Variants in CABIN1 observed in about 807,000 individuals in gnomAD.
CABIN1 encodes calcineurin binding protein 1.
In CABIN1, 133 loss-of-function variants were observed where a neutral mutation model predicts 227.7. The observed-to-expected ratio is 0.58, with a 90% CI of 0.51 to 0.67. CABIN1 has a LOEUF of 0.67. CABIN1 is among the 30% of genes least tolerant of loss of function. The pLI, the probability that CABIN1 is intolerant of heterozygous loss-of-function variation, is 0.00. For missense variants in CABIN1, 2,408 were observed against 2,852.5 expected, an observed-to-expected ratio of 0.84 and a Z score of 3.55; for synonymous variants, 1,086 against 1,155.1, an observed-to-expected ratio of 0.94 and a Z score of 1.21.
chr22:24,122,042 G>C (rs1029169094), intron 28 of CABIN1, among the ~76,000 whole-genome samples: 1 of 152,024 alleles, frequency 6.6e-6, no homozygotes, highest in Non-Finnish European at 1.5e-5. Flanking sequence ...GTTGAGTAGC[G>C]ATACGGGCCC....
intron 29 of CABIN1, among the ~76,000 whole-genome samples, chr22:24,136,831 T>A (rs2044455340): frequency 6.6e-6 from 1 of 152,140 alleles, no homozygotes; most frequent in South Asian, 2.1e-4. Context: ...AATTTTAACT[T>A]CTATGCAAAT....
intron 29 of CABIN1, among the ~76,000 whole-genome samples, chr22:24,157,642 G>A (rs188699648): frequency 6.6e-6 from 1 of 152,268 alleles, no homozygotes; most frequent in Non-Finnish European, 1.5e-5. Flanking sequence ...CACGCCCCAC[G>A]CCATCCCCTC....
chr22:24,059,337 T>C lies in CABIN1; in HGVS notation c.1373T>C (p.Phe458Ser). ...FPSIGPQRLS[F>S]DSATFMESEK... ...AGCATTGGGCCTCAAAGGCTGTCATTTGACTCAGCCACATTCATGGAATCT... is the reference window on the plus strand; with the variant it reads ...AGCATTGGGCCTCAAAGGCTGTCATCTGACTCAGCCACATTCATGGAATCT... Residue 458 changes from phenylalanine to serine, a missense_variant, in exon 11 of 37, where the codon TTT becomes TCT. Phe to Ser is a radical substitution (Grantham distance 155, BLOSUM62 -2). Around this residue, in one of 3 missense-constraint regions of CABIN1, gnomAD observed 1,045 missense variants for 1,168.4 expected, o/e 0.89. Coordinates refer to ENST00000263119, the MANE Select transcript of CABIN1 (RefSeq NM_012295.4). 6.2e-7 allele frequency: 1 copy of C among 1,614,202 alleles called. No homozygotes were observed. The highest frequency in any genetic ancestry group is 8.5e-7 in the Non-Finnish European group (1 of 1,180,028).
intron 24 of CABIN1, among the ~76,000 whole-genome samples, chr22:24,095,717 C>T (rs1456343041): frequency 6.6e-6 from 1 of 152,180 alleles, no homozygotes; most frequent in Non-Finnish European, 1.5e-5. Flanking sequence ...ACTGCGTGAA[C>T]GTTTAAGCTG....
At chr22:24,135,779 A>G (rs2044359109) in intron 29 of CABIN1, among the ~76,000 whole-genome samples, 1 of 152,142 alleles carries the variant, frequency 6.6e-6, no homozygotes, top group Non-Finnish European at 1.5e-5. Flanking sequence ...CCTGAACAGG[A>G]GCTGAGGAGA....
In CABIN1 at chr22:24,061,958, G is replaced by T. The variant is rs2039225130; in HGVS notation, c.1629G>T (p.Leu543=). The change falls in exon 13 of 37, where the codon CTG becomes CTT. Residue 543 remains leucine, a synonymous_variant. Transcript: ENST00000263119. ...TGTCTGTCCTGCAGGACATGATGCT[G>T]ATGTCTCTCTCCTGCATGGAACTCC... is the stretch of plus-strand genomic sequence containing the variant. ...CSNKHIKDMM[L]MSLSCMELQL... 6.2e-7 allele frequency: 1 copy of T among 1,613,616 alleles called. No homozygotes were observed. The highest frequency in any genetic ancestry group is 1.3e-5 in the African/African-American group (1 of 74,928).
chr22:24,158,562 G>A (rs899714631), intron 29 of CABIN1, among the ~76,000 whole-genome samples: 4 of 152,146 alleles, frequency 2.6e-5, no homozygotes, highest in Non-Finnish European at 4.4e-5. Context: ...CCCACTTTCC[G>A]CTCAGGACGC....
chr22:24,147,331 T>TCCTCCCTCCCTCCCTG (rs2045202300), intron 29 of CABIN1, among the ~76,000 whole-genome samples: 1 of 58,590 alleles, frequency 1.7e-5, no homozygotes, highest in African/African-American at 6.6e-5. Context: ...CTCCCTCCTC[T>TCCTCCCTCCCTCCCTG]CCTCCCTCCC....
At chr22:24,158,093 C>T (rs550348467) in intron 29 of CABIN1, among the ~76,000 whole-genome samples, 1 of 152,350 alleles carries the variant, frequency 6.6e-6, no homozygotes, top group South Asian at 2.1e-4. Context: ...AATCCCTCCA[C>T]CAGGGGAACG....
chr22:24,081,133 A>G (rs2040779120), intron 19 of CABIN1, among the ~76,000 whole-genome samples: 1 of 152,216 alleles, frequency 6.6e-6, no homozygotes, highest in South Asian at 2.1e-4. Context: ...TTTGAATTTC[A>G]TATAATCTTC....
chr22:24,074,347 GAAAAGAAAGAA>G (rs1569171521), intron 18 of CABIN1, among the ~76,000 whole-genome samples: 1 of 152,158 alleles, frequency 6.6e-6, no homozygotes, highest in East Asian at 1.9e-4. Context: ...GAAAAAGAAA[GAAAAGAAAGAA>G]AAAAGAAAGA....
chr22:24,134,640 A>G (rs891837090), intron 29 of CABIN1, among the ~76,000 whole-genome samples: 2 of 152,140 alleles, frequency 1.3e-5, no homozygotes, highest in African/African-American at 4.8e-5. Flanking sequence ...GGGGAGATGC[A>G]TGGATGAGCT....
chr22:24,025,788 CTCAGCCTCCCAA>C (rs1249766861), intron 1 of CABIN1, among the ~76,000 whole-genome samples: 6 of 152,200 alleles, frequency 3.9e-5, no homozygotes, highest in Non-Finnish European at 8.8e-5. Flanking sequence ...TATCCTCCCA[CTCAGCCTCCCAA>C]GTATCTGGGA....
chr22:24,151,849 T>A (rs999555803), intron 29 of CABIN1, among the ~76,000 whole-genome samples: 17 of 152,186 alleles, frequency 1.1e-4, no homozygotes, highest in African/African-American at 4.1e-4. Flanking sequence ...CTCATTCTCC[T>A]GTCTGTCCTA....
At chr22:24,068,571 AG>A (rs1320776996) in intron 16 of CABIN1, among the ~76,000 whole-genome samples, 2 of 152,154 alleles carry the variant, frequency 1.3e-5, no homozygotes, top group East Asian at 3.8e-4. Context: ...ATGCTGTGGA[AG>A]CTCCTGCTTT....
At chr22:24,133,916 A>G (rs1780984183) in intron 28 of CABIN1, among the ~76,000 whole-genome samples, 1 of 152,216 alleles carries the variant, frequency 6.6e-6, no homozygotes, top group South Asian at 2.1e-4. Context: ...GCCGTGAATA[A>G]GGAACGCTAC....
intron 24 of CABIN1, 188 bp downstream of exon 24, chr22:24,092,031 C>A: frequency 1.4e-6 from 1 of 696,054 alleles, no homozygotes; most frequent in Non-Finnish European, 2.4e-6. Flanking sequence ...GGGTGTTTAT[C>A]ATCCTTTCTG....
Position 24,035,539 on chromosome 22 carries a change from C to T in CABIN1, c.3+19C>T. Reference sequence around the variant, plus strand: ...GAATATGGTAAGGACTGATGCCTGCCTATTTTGCGGACCTCAGTGTTCTTT... The same window carrying T: ...GAATATGGTAAGGACTGATGCCTGCTTATTTTGCGGACCTCAGTGTTCTTT... On this transcript the variant is annotated intron_variant, in intron 2 of 36. Transcript: ENST00000263119. 1 of 1,614,092 alleles carries T rather than the reference C, an allele frequency of 6.2e-7. No individual in the cohort carries two copies. The highest frequency in any genetic ancestry group is 1.1e-5 in the South Asian group (1 of 91,082).
chr22:24,058,099 A>G (rs2038934483), intron 10 of CABIN1, among the ~76,000 whole-genome samples: 1 of 152,164 alleles, frequency 6.6e-6, no homozygotes, highest in Non-Finnish European at 1.5e-5. Flanking sequence ...TGGCACAATC[A>G]TAGCTCACTG....
Sources: allele counts gnomAD v4.1 joint callset (sites outside exome capture counted in the v4.1 genomes callset), GRCh38; gene constraint gnomAD v4.1.1; regional missense constraint gnomAD v4.1.1; transcripts MANE v1.5; gene names NCBI Gene and HGNC (gene_info 2026-07-23, HGNC 2026-07-21).